The following GOLGB1 variants were observed in gnomAD, a reference collection of about 807,000 sequenced individuals.
GOLGB1 encodes golgin B1, also known as golgin subfamily B member 1.
Under a neutral mutation model 336.9 loss-of-function variants are expected in GOLGB1, and 174 were observed. That is an observed-to-expected ratio of 0.52 (90% confidence interval 0.46 to 0.59). GOLGB1 has a LOEUF of 0.59. Ranked by LOEUF, GOLGB1 falls within the 20% of genes least tolerant of loss-of-function variation. The probability of loss-of-function intolerance (pLI) is 0.00; values close to 1 mark genes in which losing one functional copy is unlikely to be tolerated. For missense variants in GOLGB1, 3,331 were observed against 3,645.3 expected (o/e 0.91, Z 2.22); for synonymous variants, 1,208 against 1,289.2 (o/e 0.94, Z 1.35).
In GOLGB1 at chr3:121,669,267, C is replaced by G; in HGVS notation, c.9266G>C (p.Gly3089Ala). The change falls in exon 18 of 22, where the codon GGT (glycine) becomes GCT (alanine). Residue 3089 changes from glycine to alanine, a missense_variant. Physicochemically the swap from Gly to Ala is moderately conservative, Grantham distance 60. Transcript: ENST00000614479. ...QSLRENQQHY[G>A]DLLNHCAVLE... ...GACTGCACAGTGATTTAAAAGGTCA[C>G]CATAGTGCTGCTGGTTCTCACGAAG... 2 of 1,613,954 alleles carry G rather than the reference C, an allele frequency of 1.2e-6. No individual in the cohort carries two copies. The highest frequency in any genetic ancestry group is 1.7e-6 in the Non-Finnish European group (2 of 1,179,840).
chr3:121,696,272 A>G lies in GOLGB1; in HGVS notation c.4251T>C (p.Ser1417=). Residue 1417 remains serine, a synonymous_variant, in exon 13 of 22, where the codon TCT becomes TCC. Coordinates refer to ENST00000614479, the MANE Select transcript of GOLGB1 (RefSeq NM_001366282.2). ...CTGCTTCTTTCTCACTAAGTTGTCC[A>G]GAAAGGTAGCTAACGTCTTCTTCCT... The part of the protein sequence containing the change: ...SKKEEDVSYL[S]GQLSEKEAAL... The G allele has an allele frequency of 6.2e-7, 1 of 1,614,036 alleles. No individual in the cohort carries two copies. The highest frequency in any genetic ancestry group is 8.5e-7 in the Non-Finnish European group (1 of 1,180,004).
At chr3:121,670,610 G>C (rs1939371454) in intron 17 of GOLGB1, among the ~76,000 whole-genome samples, 1 of 152,096 alleles carries the variant, frequency 6.6e-6, no homozygotes, top group Admixed American at 6.5e-5. Flanking sequence ...AAGGATTTCT[G>C]TCCTTGTTTA....
At position 121,664,264 on chromosome 3, in the gene GOLGB1, G is replaced by A. The variant is rs1024899044; in HGVS notation, c.*216C>T. The A allele has an allele frequency of 8.8e-6, 5 of 570,738 alleles. No homozygotes were observed. The highest frequency in any genetic ancestry group is 4.7e-4 in the Middle Eastern group (1 of 2,150). The allele number at this position is 570,738 out of a possible 1,614,324, so 35.4% of individuals were successfully genotyped here. A position where few individuals can be genotyped will look rare whatever the true frequency, so the allele number is the denominator to read the frequency against. ...TGTGATTCTCAGATTAAGCAGAAGC[G>A]TTCAGGCTCAGGGCAGTAGAAGAAA... is the stretch of plus-strand genomic sequence containing the variant. On this transcript the variant is annotated 3_prime_UTR_variant, in exon 22 of 22. Coordinates refer to ENST00000614479, the MANE Select transcript of GOLGB1 (RefSeq NM_001366282.2).
intron 20 of GOLGB1, among the ~76,000 whole-genome samples, chr3:121,667,097 C>G (rs1221515778): frequency 6.6e-6 from 1 of 152,234 alleles, no homozygotes; most frequent in African/African-American, 2.4e-5. Context: ...GTCTTTTAAT[C>G]TCTCAATCTT....
chr3:121,726,376 G>A (rs139855058), intron 5 of GOLGB1, among the ~76,000 whole-genome samples: 234 of 135,570 alleles, frequency 1.7e-3, no homozygotes, highest in African/African-American at 6.0e-3. Context: ...AGAGGTTACA[G>A]AGAGCTGAGA....
At chr3:121,743,483 G>C (rs1034460749) in intron 1 of GOLGB1, among the ~76,000 whole-genome samples, 1 of 152,150 alleles carries the variant, frequency 6.6e-6, no homozygotes, top group Admixed American at 6.5e-5. Context: ...GGCTGGGGAA[G>C]GGATAGCATT....
chr3:121,727,007 A>C lies in GOLGB1; in HGVS notation c.437T>G (p.Ile146Arg). Residue 146 changes from isoleucine to arginine, a missense_variant, in exon 5 of 22, where the codon ATA (isoleucine) becomes AGA (arginine). Physicochemically the swap from Ile to Arg is moderately conservative, Grantham distance 97. Transcript: ENST00000614479. ...CTGGAGCTTATGTTTTATCTTTTCTATTTCCATCTCTTCCTCTGTAGAACT... is the reference window on the plus strand; with the variant it reads ...CTGGAGCTTATGTTTTATCTTTTCTCTTTCCATCTCTTCCTCTGTAGAACT... ...DKSSTEEEME[I>R]EKIKHKLQEK... 2 of 1,596,188 alleles carry C rather than the reference A, an allele frequency of 1.3e-6. No homozygotes were observed. The highest frequency in any genetic ancestry group is 2.2e-5 in the South Asian group (2 of 89,992).
Position 121,729,138 on chromosome 3 carries a change from T to C in GOLGB1, c.402+50A>G, listed in dbSNP as rs778778078. On this transcript the variant is annotated intron_variant, in intron 4 of 21. Coordinates refer to ENST00000614479, the MANE Select transcript of GOLGB1 (RefSeq NM_001366282.2). ...TGTGATTGGTGAAGATCTGCTGTAT[T>C]GGTAGGTTTTTTCAACTTAGGAAAT... The C allele has an allele frequency of 3.2e-6, 4 of 1,259,992 alleles. No individual in the cohort carries two copies. The South Asian group carries it at 5.5e-5, about 17-fold the overall frequency. The allele number at this position is 1,259,992 out of a possible 1,614,324, so 78.1% of individuals were successfully genotyped here. A position where few individuals can be genotyped will look rare whatever the true frequency, so the allele number is the denominator to read the frequency against.
At chr3:121,681,985 C>T (rs1941124565) in intron 14 of GOLGB1, 120 bp from the exon 15 acceptor site, 1 of 672,392 alleles carries the variant, frequency 1.5e-6, no homozygotes, top group East Asian at 2.6e-5. Context: ...ACCTAACAGT[C>T]CACTGATGAC....
intron 11 of GOLGB1, among the ~76,000 whole-genome samples, chr3:121,700,635 G>T (rs925781129): frequency 1.3e-5 from 2 of 151,826 alleles, no homozygotes; most frequent in African/African-American, 4.8e-5. Flanking sequence ...TTCTTGTATT[G>T]CCCCCTTTTT....
chr3:121,696,582 G>C lies in GOLGB1; in HGVS notation c.3941C>G (p.Ala1314Gly). 2.5e-6 allele frequency: 4 copies of C among 1,614,064 alleles called. No homozygotes were observed. The highest frequency in any genetic ancestry group is 3.4e-6 in the Non-Finnish European group (4 of 1,179,990). The change falls in exon 13 of 22, where the codon GCC becomes GGC. Residue 1314 changes from alanine (A) to glycine (G), a missense_variant. Physicochemically the swap from Ala to Gly is moderately conservative, Grantham distance 60. Transcript: ENST00000614479. Reference protein sequence around the residue: ...QGGTSVAQIKAQLKEIEAEKV... With the variant: ...QGGTSVAQIKGQLKEIEAEKV... The stretch of plus-strand genomic sequence containing the variant: ...CTCAGCCTCTATTTCCTTCAGCTGG[G>C]CCTTAATCTGGGCAACAGAAGTTCC...
chr3:121,697,961 C>T lies in GOLGB1; in HGVS notation c.2562G>A (p.Glu854=). 6.2e-7 allele frequency: 1 copy of T among 1,614,138 alleles called. No individual in the cohort carries two copies. Among genetic ancestry groups the T allele is most frequent in the Non-Finnish European group, 8.5e-7 (1 of 1,179,996 alleles). Residue 854 remains glutamate (E), a synonymous_variant, in exon 13 of 22, where the codon GAG becomes GAA. Transcript: ENST00000614479. ...AGATATGCCTTACACGTTCTGCCCCCTCAAGCACTTCACTTTCCTTATTTT... is the reference window on the plus strand; with the variant it reads ...AGATATGCCTTACACGTTCTGCCCCTTCAAGCACTTCACTTTCCTTATTTT... ...QLQNKESEVL[E]GAERVRHISS...
intron 1 of GOLGB1, among the ~76,000 whole-genome samples, chr3:121,738,198 A>G (rs1309833759): frequency 6.6e-6 from 1 of 152,226 alleles, no homozygotes; most frequent in African/African-American, 2.4e-5. Context: ...ATGGAACCTA[A>G]CTTATCAAAC....
chr3:121,718,261 T>C lies in GOLGB1; in HGVS notation c.885+127A>G. On this transcript the variant is annotated intron_variant, in intron 8 of 21. Transcript: ENST00000614479. ...CCACCACTTAAGTACGAGGTATTTG[T>C]TGAAAGAATGAATAAATGGCATCAA... 1.1e-5 allele frequency: 7 copies of C among 628,458 alleles called. No homozygotes were observed. In the South Asian group the frequency reaches 1.2e-4, roughly 11 times the overall value. 38.9% of individuals were successfully genotyped at this position (628,458 alleles called of 1,614,324 possible). A position where few individuals can be genotyped will look rare whatever the true frequency, so the allele number is the denominator to read the frequency against.
chr3:121,737,821 TAG>T (rs1244718501), intron 1 of GOLGB1, among the ~76,000 whole-genome samples: 1 of 152,190 alleles, frequency 6.6e-6, no homozygotes, highest in African/African-American at 2.4e-5. Context: ...GTTTTTTTAA[TAG>T]ATTGTCTTGG....
intron 10 of GOLGB1, among the ~76,000 whole-genome samples, chr3:121,713,688 A>G (rs9861992): frequency 0.7 from 105,863 of 151,980 alleles, 37,648 homozygotes; most frequent in East Asian, 0.85. Context: ...CTTGAATAGG[A>G]GTTTGGGTAA....
rs1945953841 is a variant in GOLGB1, at chr3:121,729,857, A to C, written c.249+8T>G. 6.2e-7 allele frequency: 1 copy of C among 1,600,050 alleles called. No individual in the cohort carries two copies. The highest frequency in any genetic ancestry group is 8.5e-7 in the Non-Finnish European group (1 of 1,170,862). On this transcript the variant is annotated splice_region_variant and intron_variant, in intron 3 of 21. Coordinates refer to ENST00000614479, the MANE Select transcript of GOLGB1 (RefSeq NM_001366282.2). ...ATGCTCCACAAGAAAGGATAAAAACAATAGTACCTGTAGAGCTTCATCTTT... is the reference window on the plus strand; with the variant it reads ...ATGCTCCACAAGAAAGGATAAAAACCATAGTACCTGTAGAGCTTCATCTTT...
chr3:121,722,338 T>G lies in GOLGB1; in HGVS notation c.572A>C (p.Gln191Pro), dbSNP rs144140533. The change falls in exon 6 of 22, where the codon CAG becomes CCG. Residue 191 changes from glutamine (Q) to proline (P), a missense_variant. Coordinates refer to ENST00000614479, the MANE Select transcript of GOLGB1 (RefSeq NM_001366282.2). ...EMEEFVMMKQ[Q>P]LQEKEEFIST... is the part of the protein sequence containing the mutation. ...AATGAATTCTTCCTTCTCCTGGAGC[T>G]GTTGCTTCATCATTACAAATTCTTC... The G allele has an allele frequency of 6.4e-5, 103 of 1,611,392 alleles. No individual in the cohort carries two copies. The highest frequency in any genetic ancestry group is 8.2e-5 in the Non-Finnish European group (97 of 1,177,664).
intron 14 of GOLGB1, among the ~76,000 whole-genome samples, chr3:121,690,015 T>G (rs867392814): frequency 6.6e-6 from 1 of 152,214 alleles, no homozygotes. Context: ...TACTAAAAGC[T>G]GTCAAATGTC....
Sources: allele counts gnomAD v4.1 joint callset (sites outside exome capture counted in the v4.1 genomes callset), GRCh38; gene constraint gnomAD v4.1.1; transcripts MANE v1.5; gene names NCBI Gene and HGNC (gene_info 2026-07-23, HGNC 2026-07-21).